FHIP2A: variants seen among roughly 807,000 people sequenced by gnomAD.
FHIP2A encodes family with sequence similarity 160 member B1.
Under a neutral mutation model 93.5 loss-of-function variants are expected in FHIP2A, and 46 were observed. That is an observed-to-expected ratio of 0.49 (90% CI 0.39 to 0.63). The LOEUF (loss-of-function observed/expected upper bound fraction) is 0.63, where lower values mean the gene tolerates loss of function less well. Ranked by LOEUF, FHIP2A falls within the 20% of genes least tolerant of loss-of-function variation. FHIP2A has a pLI of 0.00. For synonymous variants in FHIP2A, 332 were observed against 326.5 expected, an observed-to-expected ratio of 1.02 and a Z score of -0.18; for missense variants, 769 against 909.7, an observed-to-expected ratio of 0.85 and a Z score of 1.99.
chr10:114,824,710 C>A (rs1475691365), intron 1 of FHIP2A, among the ~76,000 whole-genome samples: 1 of 152,078 alleles, frequency 6.6e-6, no homozygotes, highest in African/African-American at 2.4e-5. Context: ...TTATTCAGTT[C>A]TGTTTATTAA....
chr10:114,894,684 AT>A (rs1393390602), intron 16 of FHIP2A, among the ~76,000 whole-genome samples: 3 of 152,200 alleles, frequency 2.0e-5, no homozygotes, highest in Non-Finnish European at 4.4e-5. Flanking sequence ...CCTATCAAGT[AT>A]GTTCAAAGCT....
chr10:114,860,751 A>G lies in FHIP2A; in HGVS notation c.1950A>G (p.Pro650=), dbSNP rs910357280. The change falls in exon 15 of 17, where the codon CCA becomes CCG. Residue 650 remains proline (P), a splice_region_variant and synonymous_variant. Coordinates refer to ENST00000369248, the MANE Select transcript of FHIP2A (RefSeq NM_020940.4). ...TTCTGTTTTTTATCTCTCCATAGCC[A>G]TATGATGTAAACTTACAAGTAACCT... ...FDRMGRILDQ[P]YDVNLQVTSV... is the part of the protein sequence containing the mutation. 3.1e-6 allele frequency: 5 copies of G among 1,593,878 alleles called. No homozygotes were observed. The highest frequency in any genetic ancestry group is 4.3e-6 in the Non-Finnish European group (5 of 1,161,628).
At chr10:114,841,458 A>G (rs1192522135) in intron 5 of FHIP2A, among the ~76,000 whole-genome samples, 4 of 151,756 alleles carry the variant, frequency 2.6e-5, no homozygotes, top group Non-Finnish European at 4.4e-5. Context: ...ACGCCCAGCT[A>G]ATTTTTGTAT....
chr10:114,847,115 A>G lies in FHIP2A; in HGVS notation c.1594A>G (p.Thr532Ala), dbSNP rs2083706029. 1.2e-6 allele frequency: 2 copies of G among 1,612,366 alleles called. No homozygotes were observed. The highest frequency in any genetic ancestry group is 1.7e-6 in the Non-Finnish European group (2 of 1,178,820). ...AVDLEEDPLF[T>A]DISPENTLPN... Reference sequence around the variant, plus strand: ...AGATCTGGAAGAAGATCCATTATTTACTGACATTTCACCAGAAAACACTTT... The same window carrying G: ...AGATCTGGAAGAAGATCCATTATTTGCTGACATTTCACCAGAAAACACTTT... The change falls in exon 12 of 17, where the codon ACT becomes GCT. Residue 532 changes from threonine to alanine, a missense_variant. By Grantham distance (58) the Thr-to-Ala change is moderately conservative. Coordinates refer to ENST00000369248, the MANE Select transcript of FHIP2A (RefSeq NM_020940.4).
chr10:114,886,500 C>T (rs139146458), intron 16 of FHIP2A, among the ~76,000 whole-genome samples: 1 of 151,032 alleles, frequency 6.6e-6, no homozygotes, highest in East Asian at 1.9e-4. Flanking sequence ...ATTTAATTGT[C>T]AGATAATTCT....
At chr10:114,835,678 A>G in intron 4 of FHIP2A, 37 bp downstream of exon 4, 1 of 1,183,560 alleles carries the variant, frequency 8.4e-7, no homozygotes, top group Non-Finnish European at 1.2e-6. Context: ...ATTTTGTTTG[A>G]TTTCTTTTAA....
At chr10:114,846,981 A>G in intron 11 of FHIP2A, 109 bp from the exon 12 acceptor site, 1 of 1,073,622 alleles carries the variant, frequency 9.3e-7, no homozygotes, top group Non-Finnish European at 1.3e-6. Context: ...TTAATCCTTT[A>G]TATTAGCAAA....
chr10:114,828,751 GAAGTTA>G (rs1356426050), intron 1 of FHIP2A, among the ~76,000 whole-genome samples: 36 of 151,600 alleles, frequency 2.4e-4, no homozygotes, highest in Admixed American at 2.4e-3. Flanking sequence ...TGTTCTCCTT[GAAGTTA>G]AAGTACTCCC....
Position 114,861,776 on chromosome 10 carries a change from C to T in FHIP2A, c.*236C>T. On this transcript the variant is annotated 3_prime_UTR_variant, in exon 17 of 17. Coordinates refer to ENST00000369248, the MANE Select transcript of FHIP2A (RefSeq NM_020940.4). ...TATATACAATTGCACATTGTTGAAT[C>T]CAGGATACAATCAAAGGAACTTCAG... The T allele has an allele frequency of 8.6e-7, 1 of 1,165,928 alleles. No homozygotes were observed. Among genetic ancestry groups the T allele is most frequent in the Non-Finnish European group, 1.1e-6 (1 of 943,522 alleles). The allele number at this position is 1,165,928 out of a possible 1,614,324, so 72.2% of individuals were successfully genotyped here. A position where few individuals can be genotyped will look rare whatever the true frequency, so the allele number is the denominator to read the frequency against.
At chr10:114,876,652 T>C (rs1333331048) in intron 16 of FHIP2A, among the ~76,000 whole-genome samples, 1 of 152,106 alleles carries the variant, frequency 6.6e-6, no homozygotes, top group Non-Finnish European at 1.5e-5. Flanking sequence ...GCCGGGAGCT[T>C]TCTGGACAAG....
At chr10:114,849,807 C>A (rs564316726) in intron 13 of FHIP2A, among the ~76,000 whole-genome samples, 1 of 152,156 alleles carries the variant, frequency 6.6e-6, no homozygotes, top group Non-Finnish European at 1.5e-5. Flanking sequence ...GGCAGCCGCT[C>A]ATCTACTTTT....
rs962850995 is a variant in FHIP2A at position 114,830,703 on chromosome 10, T to G, written c.46-149T>G. ...TTACTTTCTTGGATTTGACTTATTT[T>G]GTTTCTCTTTAATATCTGACATATA... On this transcript the variant is annotated intron_variant, in intron 1 of 16. Coordinates refer to ENST00000369248, the MANE Select transcript of FHIP2A (RefSeq NM_020940.4). 2.9e-5 allele frequency: 13 copies of G among 455,850 alleles called. No homozygotes were observed. The South Asian group carries it at 5.1e-4, about 18-fold the overall frequency. 28.2% of individuals were successfully genotyped at this position (455,850 alleles called of 1,614,324 possible).
At chr10:114,848,209 A>T (rs1056967658) in intron 12 of FHIP2A, among the ~76,000 whole-genome samples, 1 of 152,150 alleles carries the variant, frequency 6.6e-6, no homozygotes, top group Non-Finnish European at 1.5e-5. Flanking sequence ...TTTTAGAGAA[A>T]AATTGCATGT....
In FHIP2A at chr10:114,839,284, G is replaced by C. The variant is rs962018023; in HGVS notation, c.522+3038G>C. Among the ~76,000 whole-genome samples the C allele has an allele frequency of 4.6e-4, 70 of 151,838 alleles. 1 individual carries two copies. Among genetic ancestry groups the C allele is most frequent in the Non-Finnish European group, 1.0e-4 (7 of 67,984 alleles). ...TGGGATTACAGGTGCGCACCACCAC[G>C]CCCGGCTAATTTTTGTATTTTTAGT... On this transcript the variant is annotated intron_variant, in intron 5 of 16. Coordinates refer to ENST00000369248, the MANE Select transcript of FHIP2A (RefSeq NM_020940.4).
chr10:114,899,777 A>C, exon 17 of FHIP2A: 1 of 434,124 alleles, frequency 2.3e-6, no homozygotes, highest in Non-Finnish European at 4.1e-6. Context: ...ATTCCACCAC[A>C]AGTATAAAAA....
Position 114,841,072 on chromosome 10 carries a change from G to A in FHIP2A, c.523-1861G>A, listed in dbSNP as rs1305657618. Among the ~76,000 whole-genome samples the A allele has an allele frequency of 3.9e-5, 6 of 152,112 alleles. No homozygotes were observed. The East Asian group carries it at 9.7e-4, about 25-fold the overall frequency. ...CCACCTCCAGATATTCAACAGGTCC[G>A]GATGGGACCCAGGAATCTGCATTTT... On this transcript the variant is annotated intron_variant, in intron 5 of 16. Coordinates refer to ENST00000369248, the MANE Select transcript of FHIP2A (RefSeq NM_020940.4).
Position 114,835,575 on chromosome 10 carries a change from T to C in FHIP2A, c.333T>C (p.Tyr111=), listed in dbSNP as rs368628382. The stretch of plus-strand genomic sequence containing the variant: ...TGAAACAGCAGGTTTTGGTTTTCTA[T>C]ACGAAACTTCTGGGAAGAATCCGGC... ...PGMKQQVLVF[Y]TKLLGRIRQP... Residue 111 remains tyrosine (Y), a synonymous_variant, in exon 4 of 17, where the codon TAT becomes TAC. Coordinates refer to ENST00000369248, the MANE Select transcript of FHIP2A (RefSeq NM_020940.4). The C allele has an allele frequency of 1.7e-4, 279 of 1,613,412 alleles. No individual in the cohort carries two copies. Among genetic ancestry groups the C allele is most frequent in the Middle Eastern group, 4.9e-4 (3 of 6,082 alleles).
At chr10:114,835,707 T>A in intron 4 of FHIP2A, 66 bp downstream of exon 4, 1 of 1,011,608 alleles carries the variant, frequency 9.9e-7, no homozygotes, top group African/African-American at 1.6e-5. Context: ...TAATTTTATA[T>A]TATTTTTCTG....
At chr10:114,830,112 T>C (rs974458439) in intron 1 of FHIP2A, among the ~76,000 whole-genome samples, 2 of 152,172 alleles carry the variant, frequency 1.3e-5, no homozygotes, top group African/African-American at 4.8e-5. Flanking sequence ...GTATATGTTT[T>C]AGTAGTGATG....
Sources: gnomAD v4.1 joint callset for allele counts (sites outside exome capture counted in the v4.1 genomes callset) on GRCh38, gnomAD v4.1.1 for gene constraint, MANE v1.5 for transcripts, NCBI Gene and HGNC (gene_info 2026-07-23, HGNC 2026-07-21) for gene names.